KLF8: variants seen among roughly 807,000 people sequenced by gnomAD.
KLF8 encodes Krueppel-like factor 8.
Under a neutral mutation model 18.2 loss-of-function variants are expected in KLF8, and 10 were observed. The observed-to-expected ratio is 0.55, with a 90% CI of 0.34 to 0.93. KLF8 has a LOEUF of 0.93. Among genes scored for constraint, KLF8 ranks in the 40% least tolerant of loss-of-function variants. The probability of loss-of-function intolerance (pLI) is 0.02; values close to 1 mark genes in which losing one functional copy is unlikely to be tolerated. For missense variants in KLF8, 264 were observed against 277.9 expected (o/e 0.95, Z 0.36); for synonymous variants, 109 against 97.3 (o/e 1.12, Z -0.71).
At chrX:56,028,919 G>A in the KLF8 span, among the ~76,000 whole-genome samples, 1 of 111,275 alleles carries the variant, frequency 9.0e-6, no homozygotes, top group African/African-American at 3.3e-5. Flanking sequence ...CATAAGTCCT[G>A]TACGGGCCGA....
At chrX:56,052,797 C>T in the KLF8 span, among the ~76,000 whole-genome samples, 1 of 111,973 alleles carries the variant, frequency 8.9e-6, no homozygotes, top group Non-Finnish European at 1.9e-5. Context: ...GGGCTCCACC[C>T]AGTTGGAGCT....
the KLF8 span, among the ~76,000 whole-genome samples, chrX:55,957,277 T>C: frequency 8.9e-6 from 1 of 112,062 alleles, no homozygotes; most frequent in South Asian, 3.7e-4. Context: ...AGTACTACAG[T>C]GTTTTTATCA....
chrX:55,935,759 A>G, the KLF8 span, among the ~76,000 whole-genome samples: 2 of 112,225 alleles, frequency 1.8e-5, no homozygotes, highest in Admixed American at 1.9e-4. Flanking sequence ...CATATATACT[A>G]AAAGTATAAA....
At chrX:56,082,121 A>C in the KLF8 span, among the ~76,000 whole-genome samples, 1 of 111,678 alleles carries the variant, frequency 9.0e-6, no homozygotes, top group African/African-American at 3.2e-5. Flanking sequence ...TACTAATTCA[A>C]GCTCCTTACT....
chrX:55,952,045 T>C, the KLF8 span, among the ~76,000 whole-genome samples: 1 of 112,251 alleles, frequency 8.9e-6, no homozygotes, highest in Non-Finnish European at 1.9e-5. Context: ...TCAAGGACAT[T>C]CCCTGCTATA....
chrX:56,119,715 TA>T, the KLF8 span, among the ~76,000 whole-genome samples: 1 of 109,519 alleles, frequency 9.1e-6, no homozygotes, highest in Non-Finnish European at 1.9e-5. Context: ...TTAGTGATTT[TA>T]AAAAAACTTT....
the KLF8 span, among the ~76,000 whole-genome samples, chrX:56,187,405 C>A: frequency 9.0e-6 from 1 of 111,306 alleles, no homozygotes; most frequent in Non-Finnish European, 1.9e-5. Context: ...AAAAAGAGTC[C>A]ACGACCAGAT....
intron 2 of KLF8, among the ~76,000 whole-genome samples, chrX:56,260,645 G>A (rs998011212): frequency 2.7e-5 from 3 of 111,067 alleles, no homozygotes; most frequent in African/African-American, 6.5e-5. Context: ...TCCATCCACC[G>A]CTCCATTTTC....
At chrX:56,100,191 G>A in the KLF8 span, among the ~76,000 whole-genome samples, 139 of 110,883 alleles carry the variant, frequency 1.3e-3, no homozygotes, top group African/African-American at 4.3e-3. Flanking sequence ...AATCTACTCT[G>A]CTTGTGCCCT....
the KLF8 span, among the ~76,000 whole-genome samples, chrX:56,031,011 C>A: frequency 5.6e-3 from 617 of 110,633 alleles, 2 homozygotes; most frequent in Middle Eastern, 0.019. Context: ...AACAAGAGAC[C>A]TCTCCAGGCT....
At chrX:56,203,667 A>G in the KLF8 span, among the ~76,000 whole-genome samples, 2 of 112,115 alleles carry the variant, frequency 1.8e-5, no homozygotes, top group South Asian at 7.3e-4. Flanking sequence ...TCCCATCACC[A>G]TTTATTGAAG....
chrX:56,039,730 A>G, the KLF8 span, among the ~76,000 whole-genome samples: 12,987 of 111,219 alleles, frequency 0.12, 1,314 homozygotes, highest in African/African-American at 0.33. Context: ...TTGGTTGCAT[A>G]TAAGTTTCAG....
chrX:55,909,054 C>T, the KLF8 span, among the ~76,000 whole-genome samples: 2 of 111,235 alleles, frequency 1.8e-5, no homozygotes, highest in Non-Finnish European at 3.8e-5. Flanking sequence ...ATTAGAGCCT[C>T]GACTTCCTCC....
At chrX:56,050,430 C>G in the KLF8 span, among the ~76,000 whole-genome samples, 3 of 112,162 alleles carry the variant, frequency 2.7e-5, no homozygotes, top group Non-Finnish European at 5.6e-5. Context: ...CCTCTACACA[C>G]TGCTTTGAAT....
At chrX:55,980,338 C>T in the KLF8 span, among the ~76,000 whole-genome samples, 5,016 of 111,734 alleles carry the variant, frequency 0.045, 116 homozygotes, top group Admixed American at 0.074. Context: ...ACATCAACTT[C>T]GCTGAGCTTC....
the KLF8 span, among the ~76,000 whole-genome samples, chrX:56,225,147 C>T: frequency 5.4e-5 from 6 of 111,786 alleles, no homozygotes; most frequent in Admixed American, 1.9e-4. Context: ...CCTAGCAGTG[C>T]ATCAATCATA....
the KLF8 span, among the ~76,000 whole-genome samples, chrX:56,125,269 T>G: frequency 8.9e-6 from 1 of 112,030 alleles, no homozygotes; most frequent in African/African-American, 3.2e-5. Context: ...TGAAAACAAC[T>G]TCTCAGTGTC....
At chrX:56,069,762 AGTCTTGCCCGGCTTCCTGCCCAGCG>A in the KLF8 span, among the ~76,000 whole-genome samples, 6 of 111,226 alleles carry the variant, frequency 5.4e-5, no homozygotes, top group Non-Finnish European at 1.1e-4. Flanking sequence ...CCTGCCCAGC[AGTCTTGCCCGGCTTCCTGCCCAGCG>A]GTCTTGCCCA....
chrX:55,995,088 A>G, the KLF8 span, among the ~76,000 whole-genome samples: 24,410 of 111,509 alleles, frequency 0.22, 5,438 homozygotes, highest in African/African-American at 0.69. Context: ...GAGTGCTCCA[A>G]TGTTGGGAGC....
Sources: allele counts gnomAD v4.1 joint callset (sites outside exome capture counted in the v4.1 genomes callset), GRCh38; gene constraint gnomAD v4.1.1; transcripts MANE v1.5; gene names NCBI Gene and HGNC (gene_info 2026-07-23, HGNC 2026-07-21).